PNKD: variants seen among roughly 807,000 people sequenced by gnomAD.
PNKD encodes probable thioesterase PNKD.
Under a neutral mutation model 45.3 loss-of-function variants are expected in PNKD, and 36 were observed. That is an observed-to-expected ratio of 0.80 (90% CI 0.61 to 1.05). The LOEUF (loss-of-function observed/expected upper bound fraction) is 1.05. Among genes scored for constraint, PNKD ranks in the 50% least tolerant of loss-of-function variants. The pLI is 0.00. For synonymous variants in PNKD, 197 were observed against 210.1 expected, an observed-to-expected ratio of 0.94 and a Z score of 0.54; for missense variants, 511 against 506.6, an observed-to-expected ratio of 1.01 and a Z score of -0.08.
At chr2:218,282,927 C>G (rs1275109367) in intron 2 of PNKD, among the ~76,000 whole-genome samples, 1 of 152,188 alleles carries the variant, frequency 6.6e-6, no homozygotes, top group African/African-American at 2.4e-5. Context: ...CATGCGGCAG[C>G]CTGCGACCAC....
At chr2:218,292,164 G>A (rs1692972223) in intron 2 of PNKD, among the ~76,000 whole-genome samples, 1 of 152,206 alleles carries the variant, frequency 6.6e-6, no homozygotes, top group Non-Finnish European at 1.5e-5. Context: ...CCCGAAAGAG[G>A]GAACACGAGG....
rs774499024 is a variant in PNKD at position 218,271,361 on chromosome 2, T to G, written c.68-20T>G. 1.2e-6 allele frequency: 2 copies of G among 1,611,090 alleles called. No homozygotes were observed. Among genetic ancestry groups the G allele is most frequent in the South Asian group, 2.2e-5 (2 of 91,022 alleles). On this transcript the variant is annotated intron_variant, in intron 1 of 9. Transcript: ENST00000273077. ...TTCTTCTCATCTCTTCTTACTGACC[T>G]TCCTTACCTCCATCCACAGGGATTC...
chr2:218,316,296 G>T (rs1439018166), intron 2 of PNKD, among the ~76,000 whole-genome samples: 6 of 118,470 alleles, frequency 5.1e-5, no homozygotes, highest in Non-Finnish European at 1.0e-4. Flanking sequence ...TTGAGACAGA[G>T]TCTCACTCTG....
chr2:218,308,977 G>C (rs1693510117), intron 2 of PNKD, among the ~76,000 whole-genome samples: 2 of 151,720 alleles, frequency 1.3e-5, no homozygotes, highest in South Asian at 4.2e-4. Flanking sequence ...TTCTGAGACA[G>C]AGTACAGTGG....
intron 2 of PNKD, among the ~76,000 whole-genome samples, chr2:218,303,351 G>A (rs571167311): frequency 6.6e-6 from 1 of 152,248 alleles, no homozygotes; most frequent in Non-Finnish European, 1.5e-5. Flanking sequence ...GGTTTACAAA[G>A]GAAGCCATTG....
chr2:218,273,391 C>T (rs544802969), intron 2 of PNKD, among the ~76,000 whole-genome samples: 1 of 152,124 alleles, frequency 6.6e-6, no homozygotes, highest in Admixed American at 6.5e-5. Flanking sequence ...CCTACCTCAG[C>T]CTCCTGAGTA....
intron 2 of PNKD, among the ~76,000 whole-genome samples, chr2:218,289,625 GA>G (rs10675061): frequency 2.2e-4 from 19 of 87,788 alleles, no homozygotes; most frequent in African/African-American, 5.9e-4. Context: ...CTGGGCGACA[GA>G]AAAAAAAAAA....
At chr2:218,294,817 G>A (rs1261001814) in intron 2 of PNKD, among the ~76,000 whole-genome samples, 2 of 152,094 alleles carry the variant, frequency 1.3e-5, no homozygotes, top group Non-Finnish European at 1.5e-5. Context: ...CATTCCAGAG[G>A]GTTCCGCCTT....
At chr2:218,334,016 G>A (rs1302475941) in intron 2 of PNKD, among the ~76,000 whole-genome samples, 2 of 140,860 alleles carry the variant, frequency 1.4e-5, no homozygotes, top group Non-Finnish European at 1.6e-5. Flanking sequence ...TAAGGATGCT[G>A]AGGCAGGAGA....
At chr2:218,307,964 G>T (rs1322315855) in intron 2 of PNKD, among the ~76,000 whole-genome samples, 1 of 152,158 alleles carries the variant, frequency 6.6e-6, no homozygotes, top group Non-Finnish European at 1.5e-5. Context: ...AGCAGTACAG[G>T]CAGGGGCCCA....
At chr2:218,280,555 T>C (rs1051437222) in intron 2 of PNKD, 94 of 236,038 alleles carry the variant, frequency 4.0e-4, no homozygotes, top group African/African-American at 1.6e-3. Context: ...AAGACAGGGA[T>C]CTGCATCAGC....
chr2:218,271,808 T>C (rs1195889242), intron 2 of PNKD, among the ~76,000 whole-genome samples: 1 of 152,206 alleles, frequency 6.6e-6, no homozygotes, highest in Non-Finnish European at 1.5e-5. Flanking sequence ...TCCTCCCTTT[T>C]GGGAGCTTGG....
At chr2:218,288,257 T>A (rs541087626) in intron 2 of PNKD, among the ~76,000 whole-genome samples, 112 of 152,220 alleles carry the variant, frequency 7.4e-4, no homozygotes, top group African/African-American at 2.3e-3. Context: ...TGAAACCCCA[T>A]CTCTACTAAA....
intron 2 of PNKD, chr2:218,280,347 C>G (rs1342610058): frequency 2.0e-6 from 1 of 493,080 alleles, no homozygotes; most frequent in East Asian, 3.8e-5. Flanking sequence ...TCACGTGCAT[C>G]TGTGGAGGGC....
Position 218,340,799 on chromosome 2 carries a change from C to T in PNKD, c.524+13C>T, listed in dbSNP as rs150529046. 1.1e-4 allele frequency: 180 copies of T among 1,611,182 alleles called. 1 individual carries two copies. The African/African-American group carries it at 2.0e-3, about 18-fold the overall frequency. ...CTCACAAGCACTGGTAAGGGGCTCC[C>T]GTCTTCCCTGGCCCACCCTTGTCCC... On this transcript the variant is annotated intron_variant, in intron 5 of 9. Transcript: ENST00000273077. The surrounding 1 kb of genome is among the most constrained non-coding windows in gnomAD (Gnocchi z 4.2).
At chr2:218,279,374 A>G in intron 2 of PNKD, 4 of 1,539,206 alleles carry the variant, frequency 2.6e-6, no homozygotes, top group South Asian at 1.3e-5. Context: ...ACGGCCGGGC[A>G]TGGGTCACCA....
intron 2 of PNKD, among the ~76,000 whole-genome samples, chr2:218,324,597 G>A (rs1395212823): frequency 6.6e-6 from 1 of 152,190 alleles, no homozygotes; most frequent in Non-Finnish European, 1.5e-5. Flanking sequence ...AATGTGCCAA[G>A]TAAGTTACCA....
chr2:218,272,616 C>T (rs748457296), intron 2 of PNKD: 4 of 1,613,974 alleles, frequency 2.5e-6, no homozygotes, highest in Non-Finnish European at 1.7e-6. Context: ...CCTCACCAAG[C>T]GGGAAGTGGA....
At chr2:218,279,219 C>A (rs372402169) in intron 2 of PNKD, 2 of 1,554,348 alleles carry the variant, frequency 1.3e-6, no homozygotes, top group African/African-American at 1.4e-5. Context: ...CCCACCGCCA[C>A]CCACACCCCC....
Sources: allele counts gnomAD v4.1 joint callset (sites outside exome capture counted in the v4.1 genomes callset), GRCh38; gene constraint gnomAD v4.1.1; non-coding constraint Gnocchi (gnomAD v3.1); transcripts MANE v1.5; gene names NCBI Gene and HGNC (gene_info 2026-07-23, HGNC 2026-07-21).